GABRA3: variants seen among roughly 807,000 people sequenced by gnomAD.
GABRA3 encodes the protein gamma-aminobutyric acid type A receptor subunit alpha3, also known as gamma-aminobutyric acid receptor subunit alpha-3.
In GABRA3, 10 loss-of-function variants were observed where a neutral mutation model predicts 30.1. The observed-to-expected ratio is 0.33, with a 90% CI of 0.20 to 0.56. The LOEUF (loss-of-function observed/expected upper bound fraction) is 0.56, where lower values mean the gene tolerates loss of function less well. Among genes scored for constraint, GABRA3 ranks in the 20% least tolerant of loss-of-function variants. GABRA3 has a pLI of 0.89. For synonymous variants in GABRA3, 151 were observed against 146.8 expected (o/e 1.03, Z -0.21); for missense variants, 233 against 392.0 (o/e 0.59, Z 3.42).
At chrX:152,354,759 T>C (rs1940525049) in intron 2 of GABRA3, among the ~76,000 whole-genome samples, 1 of 111,510 alleles carries the variant, frequency 9.0e-6, no homozygotes, top group Non-Finnish European at 1.9e-5. Flanking sequence ...AGATTCAAAC[T>C]GGTAGGTGAA....
At chrX:152,394,495 CAGA>C in intron 1 of GABRA3, 2 of 387,131 alleles carry the variant, frequency 5.2e-6, no homozygotes, top group Non-Finnish European at 1.0e-5. Context: ...GATGCACACA[CAGA>C]AGATCTGCAA....
intron 3 of GABRA3, among the ~76,000 whole-genome samples, chrX:152,337,314 A>G (rs1940248427): frequency 1.8e-5 from 2 of 111,278 alleles, no homozygotes; most frequent in African/African-American, 3.3e-5. Flanking sequence ...TATTTTTACT[A>G]TCTAATTGTA....
chrX:152,266,057 TAAAG>T (rs908214875), intron 4 of GABRA3, among the ~76,000 whole-genome samples: 37 of 111,427 alleles, frequency 3.3e-4, no homozygotes, highest in African/African-American at 1.1e-3. Context: ...ACCAAACATT[TAAAG>T]AAGAACTAAT....
At chrX:152,406,114 C>A (rs1488860255) in intron 1 of GABRA3, among the ~76,000 whole-genome samples, 1 of 109,474 alleles carries the variant, frequency 9.1e-6, no homozygotes, top group Non-Finnish European at 1.9e-5. Flanking sequence ...AGTGTGCTCC[C>A]AAGTGCTGAT....
intron 4 of GABRA3, among the ~76,000 whole-genome samples, chrX:152,275,899 A>G (rs867849156): frequency 9.1e-6 from 1 of 110,206 alleles, no homozygotes; most frequent in South Asian, 3.8e-4. Flanking sequence ...ACAAATACTA[A>G]TAATAAAATA....
chrX:152,401,755 T>A (rs2124522831), intron 1 of GABRA3, among the ~76,000 whole-genome samples: 1 of 111,935 alleles, frequency 8.9e-6, no homozygotes, highest in Non-Finnish European at 1.9e-5. Context: ...TGGCCTAGGC[T>A]CTTGGAATGA....
chrX:152,255,504 A>G (rs1938622413), intron 5 of GABRA3, among the ~76,000 whole-genome samples: 1 of 111,476 alleles, frequency 9.0e-6, no homozygotes, highest in African/African-American at 3.3e-5. Flanking sequence ...GTTAGTCCAC[A>G]TGTGTCTTTA....
intron 1 of GABRA3, among the ~76,000 whole-genome samples, chrX:152,445,039 C>T (rs1485038008): frequency 5.3e-5 from 3 of 56,171 alleles, no homozygotes; most frequent in East Asian, 6.1e-4. Context: ...CCAGCCTGGG[C>T]AACAGAGTGA....
rs192303430 is a variant in GABRA3 at position 152,422,720 on chromosome X, T to C, written c.-27+28426A>G. On this transcript the variant is annotated intron_variant, in intron 1 of 9. Transcript: ENST00000370314. ...TAATAAAATTCCCAACACAATATTC[T>C]TAAAGATTGAGGAAATGTTGCTCAA... Among the ~76,000 whole-genome samples, 48 of 111,104 alleles carry C rather than the reference T, an allele frequency of 4.3e-4. No individual in the cohort carries two copies. The East Asian group carries it at 0.013, about 31-fold the overall frequency.
chrX:152,253,305 A>T (rs1273082079), intron 5 of GABRA3, among the ~76,000 whole-genome samples: 2 of 110,222 alleles, frequency 1.8e-5, no homozygotes, highest in African/African-American at 6.7e-5. Context: ...TCTACATTGT[A>T]TCTCTCTCCT....
chrX:152,219,362 A>G (rs1005785798), intron 6 of GABRA3, among the ~76,000 whole-genome samples: 15 of 111,344 alleles, frequency 1.3e-4, no homozygotes, highest in African/African-American at 4.9e-4. Flanking sequence ...ATCAAGGGTA[A>G]CCACTATCCT....
Position 152,168,397 on chromosome X carries a change from G to A in GABRA3, c.1310C>T (p.Thr437Ile). 1 of 1,212,061 alleles carries A rather than the reference G, an allele frequency of 8.3e-7. No homozygotes were observed. The highest frequency in any genetic ancestry group is 2.3e-4 in the Middle Eastern group (1 of 4,354). ...CTCAGTCGGGCTGTCCTGCACGTAG[G>A]TGGCCTTGGGTGAAGCAATGATTGT... ...TPTIIASPKA[T>I]YVQDSPTETK... Residue 437 changes from threonine to isoleucine, a missense_variant, in exon 10 of 10, where the codon ACC becomes ATC. Around this residue, in one of 6 missense-constraint regions of GABRA3, gnomAD observed 66 missense variants for 57.1 expected, o/e 1.16. Coordinates refer to ENST00000370314, the MANE Select transcript of GABRA3 (RefSeq NM_000808.4).
intron 5 of GABRA3, among the ~76,000 whole-genome samples, chrX:152,233,800 C>T (rs374396073): frequency 0.019 from 1,938 of 104,164 alleles, 33 homozygotes; most frequent in Middle Eastern, 0.049. Context: ...CCAACCCAAA[C>T]GTCCAACAAT....
At chrX:152,325,808 G>A (rs143990619) in intron 3 of GABRA3, among the ~76,000 whole-genome samples, 1,135 of 111,663 alleles carry the variant, frequency 0.01, 20 homozygotes, top group African/African-American at 0.035. Flanking sequence ...CCAAAGGAAC[G>A]CAGCTCCTCA....
In GABRA3 at chrX:152,175,965, G is replaced by T. The variant is rs192060038; in HGVS notation, c.1144-7402C>A. 2.2e-3 allele frequency among the ~76,000 whole-genome samples: 239 copies of T among 109,918 alleles called. 3 individuals are homozygous for T. The highest frequency in any genetic ancestry group is 7.6e-3 in the African/African-American group (230 of 30,160). ...TGTAGTCCCAGCTGCTCAGGAAGCT[G>T]AGGCAGAAGAATCGCTTGAACCCAG... On this transcript the variant is annotated intron_variant, in intron 9 of 9. Coordinates refer to ENST00000370314, the MANE Select transcript of GABRA3 (RefSeq NM_000808.4).
At chrX:152,213,271 A>G (rs1219829518) in intron 6 of GABRA3, among the ~76,000 whole-genome samples, 1 of 112,112 alleles carries the variant, frequency 8.9e-6, no homozygotes, top group African/African-American at 3.2e-5. Flanking sequence ...CGTTCAACAA[A>G]TATCAAGGCA....
chrX:152,373,906 C>T (rs1048713791), intron 1 of GABRA3, among the ~76,000 whole-genome samples: 1 of 109,761 alleles, frequency 9.1e-6, no homozygotes, highest in Admixed American at 9.8e-5. Flanking sequence ...GGATAGTTTG[C>T]TCAGAATGAT....
At chrX:152,215,345 C>T (rs1358314938) in intron 6 of GABRA3, among the ~76,000 whole-genome samples, 1 of 110,335 alleles carries the variant, frequency 9.1e-6, no homozygotes, top group Non-Finnish European at 1.9e-5. Flanking sequence ...TTTTCTATAC[C>T]TAATTAGTTA....
chrX:152,197,835 A>G, intron 7 of GABRA3, 50 bp from the exon 8 acceptor site: 1 of 1,010,684 alleles, frequency 9.9e-7, no homozygotes, highest in Non-Finnish European at 1.4e-6. Context: ...AACATTGCTA[A>G]ATCAAGTTGG....
Sources: gnomAD v4.1 joint callset for allele counts (sites outside exome capture counted in the v4.1 genomes callset) on GRCh38, gnomAD v4.1.1 for gene constraint, gnomAD v4.1.1 regional missense constraint, MANE v1.5 for transcripts, NCBI Gene and HGNC (gene_info 2026-07-23, HGNC 2026-07-21) for gene names.